The following SAMMSON variants were observed in gnomAD, a reference collection of about 807,000 sequenced individuals.
SAMMSON encodes the protein long intergenic non-protein coding RNA 1212.
chr3:70,207,631 AG>A (rs146337837), intron 4 of SAMMSON, among the ~76,000 whole-genome samples: 3,428 of 152,118 alleles, frequency 0.023, 102 homozygotes, highest in African/African-American at 0.077. Flanking sequence ...ATTCAGAAAA[AG>A]CTCCCCAAAT....
intron 6 of SAMMSON, among the ~76,000 whole-genome samples, chr3:70,281,709 C>G (rs1188125634): frequency 1.3e-5 from 2 of 152,142 alleles, no homozygotes; most frequent in South Asian, 2.1e-4. Flanking sequence ...TGCCCCACCT[C>G]AAGTGAACTC....
At chr3:70,210,300 T>G (rs1348626997) in intron 4 of SAMMSON, among the ~76,000 whole-genome samples, 2 of 152,150 alleles carry the variant, frequency 1.3e-5, no homozygotes, top group Non-Finnish European at 2.9e-5. Flanking sequence ...CTGCCATTCA[T>G]AAAGTTATTT....
At chr3:70,049,626 TATC>T (rs1187697473) in intron 3 of SAMMSON, among the ~76,000 whole-genome samples, 1 of 152,152 alleles carries the variant, frequency 6.6e-6, no homozygotes, top group East Asian at 1.9e-4. Flanking sequence ...TAATGTTTAT[TATC>T]ATCATTATTG....
At chr3:70,126,042 T>G in intron 4 of SAMMSON, 1 of 1,002,772 alleles carries the variant, frequency 1.0e-6, no homozygotes, top group East Asian at 2.6e-5. Flanking sequence ...GCAAATTCAT[T>G]TTATTCATAA....
At chr3:70,379,161 G>A (rs1290872138) in intron 9 of SAMMSON, among the ~76,000 whole-genome samples, 5 of 151,216 alleles carry the variant, frequency 3.3e-5, no homozygotes, top group African/African-American at 2.4e-5. Context: ...TTACAGGCAC[G>A]CACCACCACA....
At chr3:70,326,973 C>T (rs777236794) in intron 7 of SAMMSON, among the ~76,000 whole-genome samples, 2 of 152,150 alleles carry the variant, frequency 1.3e-5, no homozygotes, top group Non-Finnish European at 2.9e-5. Flanking sequence ...ATTCTGCTGC[C>T]TAAGCCTCCT....
At chr3:70,262,451 T>A (rs1024002577) in intron 6 of SAMMSON, among the ~76,000 whole-genome samples, 4 of 152,178 alleles carry the variant, frequency 2.6e-5, no homozygotes, top group Non-Finnish European at 4.4e-5. Flanking sequence ...AGAAATGAAA[T>A]AAGACCAGTT....
intron 3 of SAMMSON, among the ~76,000 whole-genome samples, chr3:70,070,971 T>C (rs2067227069): frequency 6.6e-6 from 1 of 152,070 alleles, no homozygotes. Context: ...TACCCTCTAG[T>C]CAATGTGCTT....
chr3:70,149,422 T>C (rs2067562585), intron 4 of SAMMSON, among the ~76,000 whole-genome samples: 1 of 152,058 alleles, frequency 6.6e-6, no homozygotes, highest in South Asian at 2.1e-4. Flanking sequence ...GGTTCTTAGT[T>C]GATGGCCTAG....
At chr3:70,105,476 A>G (rs2067363810) in intron 4 of SAMMSON, among the ~76,000 whole-genome samples, 1 of 152,088 alleles carries the variant, frequency 6.6e-6, no homozygotes, top group South Asian at 2.1e-4. Flanking sequence ...AAGTGCAAAG[A>G]CCCTGAAGCG....
At chr3:70,298,327 A>T (rs1702311088) in intron 7 of SAMMSON, among the ~76,000 whole-genome samples, 1 of 152,104 alleles carries the variant, frequency 6.6e-6, no homozygotes, top group Non-Finnish European at 1.5e-5. Flanking sequence ...AGATAAGCAA[A>T]CAAAATAAGA....
chr3:70,072,495 T>C (rs1279781553), intron 4 of SAMMSON: 1 of 151,522 alleles, frequency 6.6e-6, no homozygotes, highest in Non-Finnish European at 1.5e-5. Context: ...TTCTGTGAGT[T>C]GTGAATAATT....
chr3:70,054,314 C>T (rs2067158288), intron 3 of SAMMSON, among the ~76,000 whole-genome samples: 1 of 152,086 alleles, frequency 6.6e-6, no homozygotes, highest in Admixed American at 6.6e-5. Flanking sequence ...TGGCATAACT[C>T]CTTTAAAAGC....
chr3:70,131,725 C>T (rs1239778904), intron 4 of SAMMSON, among the ~76,000 whole-genome samples: 1 of 152,104 alleles, frequency 6.6e-6, no homozygotes, highest in East Asian at 1.9e-4. Flanking sequence ...GGACTATAAG[C>T]ATACCCCACC....
At chr3:70,376,040 A>G (rs1320866354) in intron 9 of SAMMSON, among the ~76,000 whole-genome samples, 1 of 152,258 alleles carries the variant, frequency 6.6e-6, no homozygotes, top group African/African-American at 2.4e-5. Flanking sequence ...ACATAGGGAG[A>G]CGTTTTCATA....
At chr3:70,011,717 G>A (rs2066956748) in intron 1 of SAMMSON, among the ~76,000 whole-genome samples, 1 of 151,586 alleles carries the variant, frequency 6.6e-6, no homozygotes, top group Non-Finnish European at 1.5e-5. Flanking sequence ...ACAAAGATTG[G>A]CAAAATCCTA....
chr3:70,367,869 G>A (rs920923090), intron 9 of SAMMSON, among the ~76,000 whole-genome samples: 2 of 151,006 alleles, frequency 1.3e-5, no homozygotes, highest in East Asian at 1.9e-4. Context: ...CCCTTTCTCC[G>A]TATCCTTGCC....
intron 4 of SAMMSON, among the ~76,000 whole-genome samples, chr3:70,132,341 A>C (rs540692680): frequency 6.6e-6 from 1 of 152,116 alleles, no homozygotes; most frequent in Non-Finnish European, 1.5e-5. Context: ...TTGGCTGTAT[A>C]GGCCCTAATT....
chr3:70,290,133 G>A (rs537666468), intron 6 of SAMMSON, among the ~76,000 whole-genome samples: 325 of 152,240 alleles, frequency 2.1e-3, no homozygotes, highest in African/African-American at 7.3e-3. Flanking sequence ...GAGGAGAGGC[G>A]CTCTGCTTTT....
Sources: allele counts gnomAD v4.1 joint callset (sites outside exome capture counted in the v4.1 genomes callset), GRCh38; gene constraint gnomAD v4.1.1; transcripts MANE v1.5; gene names NCBI Gene and HGNC (gene_info 2026-07-23, HGNC 2026-07-21).